The following PCDHGA6 variants were observed in gnomAD, a reference collection of about 807,000 sequenced individuals.
The protein encoded by PCDHGA6 is protocadherin gamma subfamily A, 6, also known as protocadherin gamma-A6.
A neutral mutation model predicts 60.6 loss-of-function variants in PCDHGA6; 41 were observed. The observed-to-expected ratio is 0.68, with a 90% confidence interval of 0.53 to 0.88. The LOEUF (loss-of-function observed/expected upper bound fraction) is 0.88. PCDHGA6 is among the 40% of genes least tolerant of loss of function. The pLI is 0.00. For synonymous variants in PCDHGA6, 594 were observed against 524.4 expected (o/e 1.13, Z -1.81); for missense variants, 1,312 against 1,203.0 (o/e 1.09, Z -1.34).
intron 1 of PCDHGA6, chr5:141,393,205 C>A: frequency 6.2e-7 from 1 of 1,613,504 alleles, no homozygotes; most frequent in Non-Finnish European, 8.5e-7. Flanking sequence ...GATAATAACC[C>A]AAAATTCCAG....
Position 141,511,159 on chromosome 5 carries a change from AAGG to A in PCDHGA6, c.2788_2790del (p.Glu930del), listed in dbSNP as rs1477173987. 3 of 1,614,186 alleles carry A rather than the reference AAGG, an allele frequency of 1.9e-6. No individual in the cohort carries two copies. The highest frequency in any genetic ancestry group is 2.2e-5 in the East Asian group (1 of 44,872). On this transcript the variant is annotated inframe_deletion, in exon 4 of 4. Coordinates refer to ENST00000517434, the MANE Select transcript of PCDHGA6 (RefSeq NM_018919.3). ...TGGCAACAAGAAGAAGTCGGGCAAG[AAGG>A]AGAAGAAGTAACATGGAGGCCAGGC... is the stretch of plus-strand genomic sequence containing the variant.
chr5:141,501,328 CACACA>C (rs1562200832), intron 2 of PCDHGA6, among the ~76,000 whole-genome samples: 17 of 151,710 alleles, frequency 1.1e-4, no homozygotes, highest in African/African-American at 1.9e-4. Context: ...CACACACACA[CACACA>C]CCCCAAACTC....
chr5:141,431,114 G>T lies in PCDHGA6; in HGVS notation c.2424+54607G>T. On this transcript the variant is annotated intron_variant, in intron 1 of 3. Coordinates refer to ENST00000517434, the MANE Select transcript of PCDHGA6 (RefSeq NM_018919.3). This position sits in a 1 kb window ranked among gnomAD's most constrained non-coding sequence, Gnocchi z 4.8. The stretch of plus-strand genomic sequence containing the variant: ...GGAGGATAAAGTGAAAATATATGGA[G>T]TAGAAGTAGAAGTAAGGGACATTAA... 6.2e-7 allele frequency: 1 copy of T among 1,614,158 alleles called. No individual in the cohort carries two copies.
Position 141,490,798 on chromosome 5 carries a change from C to A in PCDHGA6, c.2425-4009C>A. 2 of 1,613,926 alleles carry A rather than the reference C, an allele frequency of 1.2e-6. No individual in the cohort carries two copies. Among genetic ancestry groups the A allele is most frequent in the South Asian group, 2.2e-5 (2 of 91,074 alleles). ...AGAGGATGGACGGATCTTTGCCCAG[C>A]GTACCTTTGACTATGAATTGCTGCA... On this transcript the variant is annotated intron_variant, in intron 1 of 3. Transcript: ENST00000517434. This position sits in a 1 kb window ranked among gnomAD's most constrained non-coding sequence, Gnocchi z 5.4.
At chr5:141,428,727 A>G (rs1348450181) in intron 1 of PCDHGA6, 1 of 160,588 alleles carries the variant, frequency 6.2e-6, no homozygotes, top group Non-Finnish European at 1.4e-5. Context: ...AAAATCTTAA[A>G]CATATTATAT....
chr5:141,430,309 A>G (rs984998714), intron 1 of PCDHGA6, among the ~76,000 whole-genome samples: 2 of 152,116 alleles, frequency 1.3e-5, no homozygotes, highest in Non-Finnish European at 2.9e-5. Context: ...CACTAACATT[A>G]TAAGATTAAA....
intron 1 of PCDHGA6, chr5:141,400,486 CT>C: frequency 1.2e-6 from 2 of 1,614,034 alleles, no homozygotes; most frequent in African/African-American, 1.3e-5. Context: ...CTTATTTCCA[CT>C]TTGTAATTCC....
rs1410729947 is a variant in PCDHGA6 at position 141,493,256 on chromosome 5, T to TA, written c.2425-1550dup. 3.3e-5 allele frequency among the ~76,000 whole-genome samples: 5 copies of TA among 152,306 alleles called. No homozygotes were observed. The highest frequency in any genetic ancestry group is 1.2e-4 in the African/African-American group (5 of 41,570). ...TGGCTAGGTACTAACATGCCTCTCT[T>TA]ATAACAGCTTCACAGAGGTCAAGTG... On this transcript the variant is annotated intron_variant, in intron 1 of 3. Transcript: ENST00000517434. This position sits in a 1 kb window ranked among gnomAD's most constrained non-coding sequence, Gnocchi z 4.3.
intron 1 of PCDHGA6, chr5:141,413,345 G>A (rs2095628318): frequency 8.7e-6 from 14 of 1,613,996 alleles, no homozygotes; most frequent in Non-Finnish European, 1.0e-5. Flanking sequence ...AAGGACTTGG[G>A]TCTGGCGCCC....
intron 1 of PCDHGA6, chr5:141,478,878 T>A: frequency 8.0e-7 from 1 of 1,250,194 alleles, no homozygotes; most frequent in Non-Finnish European, 1.1e-6. Flanking sequence ...GAGTTTAGCT[T>A]GGTATCATTT....
rs1022106778 is a variant in PCDHGA6, at chr5:141,384,657, C to A, written c.2424+8150C>A. ...CACCCCGCTCCGCAGAGCCCGGCTACCTGGTGACCAAGGTGGTGGCGGTGG... is the reference window on the plus strand; with the variant it reads ...CACCCCGCTCCGCAGAGCCCGGCTAACTGGTGACCAAGGTGGTGGCGGTGG... On this transcript the variant is annotated intron_variant, in intron 1 of 3. Transcript: ENST00000517434. 23 of 1,614,124 alleles carry A rather than the reference C, an allele frequency of 1.4e-5. No homozygotes were observed. The African/African-American group carries it at 2.0e-4, about 14-fold the overall frequency.
Position 141,490,318 on chromosome 5 carries a change from C to T in PCDHGA6, c.2425-4489C>T. ...ATTGGCCTCTTTGGCCAACCCTGTCCTAGAGAGCACACCAGTGGGCACAGT... is the reference window on the plus strand; with the variant it reads ...ATTGGCCTCTTTGGCCAACCCTGTCTTAGAGAGCACACCAGTGGGCACAGT... On this transcript the variant is annotated intron_variant, in intron 1 of 3. Transcript: ENST00000517434. The surrounding 1 kb of genome is among the most constrained non-coding windows in gnomAD (Gnocchi z 5.4). 1 of 1,614,220 alleles carries T rather than the reference C, an allele frequency of 6.2e-7. No homozygotes were observed.
At chr5:141,510,028 C>A (rs962629835) in intron 3 of PCDHGA6, among the ~76,000 whole-genome samples, 1 of 152,164 alleles carries the variant, frequency 6.6e-6, no homozygotes, top group Non-Finnish European at 1.5e-5. Context: ...GCTGGCTGGG[C>A]TGTTATGTAG....
chr5:141,450,842 T>TTTTA (rs1387012749), intron 1 of PCDHGA6, among the ~76,000 whole-genome samples: 1 of 148,196 alleles, frequency 6.7e-6, no homozygotes, highest in African/African-American at 2.5e-5. Context: ...TTTTTTTTTT[T>TTTTA]GAGATGGGGT....
chr5:141,501,290 TACACACACACACACACACAC>T (rs55762287), intron 2 of PCDHGA6, among the ~76,000 whole-genome samples: 1 of 136,162 alleles, frequency 7.3e-6, no homozygotes, highest in Non-Finnish European at 1.6e-5. Flanking sequence ...TATTCCCTTA[TACACACACACACACACACAC>T]ACACACACAC....
chr5:141,404,928 C>A lies in PCDHGA6; in HGVS notation c.2424+28421C>A, dbSNP rs145718404. The stretch of plus-strand genomic sequence containing the variant: ...CAGCCCCCTCTCTCGGCCACTGTCA[C>A]GCTCACAGTAGCCATAGCTGACAGC... On this transcript the variant is annotated intron_variant, in intron 1 of 3. Coordinates refer to ENST00000517434, the MANE Select transcript of PCDHGA6 (RefSeq NM_018919.3). The A allele has an allele frequency of 1.9e-6, 3 of 1,613,866 alleles. No individual in the cohort carries two copies. In the South Asian group the frequency reaches 3.3e-5, roughly 18 times the overall value.
At chr5:141,426,492 T>A (rs1439487321) in intron 1 of PCDHGA6, 11 of 336,712 alleles carry the variant, frequency 3.3e-5, no homozygotes, top group South Asian at 2.6e-4. Flanking sequence ...TTAGAGTTAG[T>A]GCAGAGAAAC....
intron 1 of PCDHGA6, chr5:141,441,702 A>G: frequency 3.2e-6 from 1 of 309,906 alleles, no homozygotes. Context: ...GCGAGCCTTC[A>G]AGCTCACGCT....
rs757019379 is a variant in PCDHGA6 at position 141,390,006 on chromosome 5, G to T, written c.2424+13499G>T. 4.5e-5 allele frequency: 73 copies of T among 1,613,888 alleles called. No individual in the cohort carries two copies. Among genetic ancestry groups the T allele is most frequent in the Admixed American group, 1.7e-5 (1 of 60,004 alleles). ...GCTCTTCCTCGTGGCCATGATTCTG[G>T]CCATTGCCTTGCGCCTGCGACGCTC... On this transcript the variant is annotated intron_variant, in intron 1 of 3. Transcript: ENST00000517434.
Sources: allele counts gnomAD v4.1 joint callset (sites outside exome capture counted in the v4.1 genomes callset), GRCh38; gene constraint gnomAD v4.1.1; non-coding constraint Gnocchi (gnomAD v3.1); transcripts MANE v1.5; gene names NCBI Gene and HGNC (gene_info 2026-07-23, HGNC 2026-07-21).